Variants in TEAD4 observed in about 807,000 individuals in gnomAD.
TEAD4 encodes transcriptional enhancer factor TEF-3.
TEAD4 carries 36 observed loss-of-function variants against 52.4 expected under a neutral mutation model. That is an observed-to-expected ratio of 0.69 (90% confidence interval 0.53 to 0.91). The LOEUF (loss-of-function observed/expected upper bound fraction) is 0.91. Among genes scored for constraint, TEAD4 ranks in the 40% least tolerant of loss-of-function variants. TEAD4 has a pLI of 0.00. For synonymous variants in TEAD4, 220 were observed against 231.0 expected, an observed-to-expected ratio of 0.95 and a Z score of 0.43; for missense variants, 508 against 583.9, an observed-to-expected ratio of 0.87 and a Z score of 1.34.
chr12:2,961,878 G>A (rs893439735), intron 2 of TEAD4, among the ~76,000 whole-genome samples: 4 of 152,008 alleles, frequency 2.6e-5, no homozygotes, highest in African/African-American at 9.7e-5. Flanking sequence ...AACATGAATC[G>A]AGCATTTACT....
intron 2 of TEAD4, among the ~76,000 whole-genome samples, chr12:2,964,429 C>T (rs532848460): frequency 6.6e-5 from 10 of 150,978 alleles, no homozygotes; most frequent in East Asian, 5.8e-4. Context: ...AGGCTGGGGT[C>T]GCTGGACAAC....
At chr12:3,026,960 G>T (rs912256128) in intron 10 of TEAD4, among the ~76,000 whole-genome samples, 1 of 152,178 alleles carries the variant, frequency 6.6e-6, no homozygotes, top group Non-Finnish European at 1.5e-5. Context: ...TATGAAGTAA[G>T]TGTTACTTCT....
intron 10 of TEAD4, among the ~76,000 whole-genome samples, chr12:3,029,330 C>T (rs918861828): frequency 4.6e-5 from 7 of 151,496 alleles, no homozygotes; most frequent in East Asian, 1.9e-4. Context: ...CTCCGCCTCC[C>T]GGGTTCACGC....
chr12:2,988,047 G>A (rs2153954734), intron 2 of TEAD4, among the ~76,000 whole-genome samples: 1 of 148,288 alleles, frequency 6.7e-6, no homozygotes, highest in African/African-American at 2.5e-5. Context: ...CAGCCTGGGT[G>A]ACAGAACAAG....
chr12:3,010,750 C>A (rs574254859), intron 3 of TEAD4, among the ~76,000 whole-genome samples: 26 of 152,222 alleles, frequency 1.7e-4, no homozygotes, highest in African/African-American at 5.8e-4. Context: ...TCAGGCTGTG[C>A]GTGGTTGGTG....
rs1555118355 is a variant in TEAD4 at position 2,962,346 on chromosome 12, A to ATTT, written c.-30+2310_-30+2312dup. ...TATATAAATATAAATATATATATAT[A>ATTT]TTTTTTGAGATGGAGTTTCGCTCTT... On this transcript the variant is annotated intron_variant, in intron 2 of 12. Transcript: ENST00000359864. 7.0e-3 allele frequency among the ~76,000 whole-genome samples: 893 copies of ATTT among 128,032 alleles called. 12 individuals are homozygous for ATTT. The highest frequency in any genetic ancestry group is 0.015 in the South Asian group (63 of 4,182). 84.0% of individuals were successfully genotyped at this position (128,032 alleles called of 152,430 possible).
intron 10 of TEAD4, 32 bp from the exon 11 acceptor site, chr12:3,037,936 C>T (rs1245639947): frequency 2.5e-6 from 4 of 1,596,134 alleles, no homozygotes; most frequent in Non-Finnish European, 2.6e-6. Context: ...CACCTGCTGA[C>T]ACTCCCTCGC....
At chr12:2,988,970 C>T (rs1179184972) in intron 2 of TEAD4, among the ~76,000 whole-genome samples, 2 of 152,156 alleles carry the variant, frequency 1.3e-5, no homozygotes, top group Non-Finnish European at 2.9e-5. Context: ...TTAGAATAAG[C>T]TGGTAAAGGT....
At chr12:2,978,688 A>AC (rs2098231817) in intron 2 of TEAD4, among the ~76,000 whole-genome samples, 1 of 150,888 alleles carries the variant, frequency 6.6e-6, no homozygotes, top group Non-Finnish European at 1.5e-5. Flanking sequence ...ACGGGTGTGA[A>AC]CCACTGCGCC....
At chr12:2,976,307 T>C (rs1178787773) in intron 2 of TEAD4, among the ~76,000 whole-genome samples, 2 of 151,454 alleles carry the variant, frequency 1.3e-5, no homozygotes, top group Non-Finnish European at 2.9e-5. Flanking sequence ...CCTCCACACC[T>C]GGCCATCTCA....
rs71057876 is a variant in TEAD4, at chr12:2,990,461, C to CTTTTTTTTTTTTTTTTTTTTTTTTTTTT, written c.-29-4250_-29-4249insTTTTTTTTTTTTTTTTTTTTTTTTTTTT. 4.5e-5 allele frequency among the ~76,000 whole-genome samples: 3 copies of CTTTTTTTTTTTTTTTTTTTTTTTTTTTT among 67,038 alleles called. 1 individual carries two copies. The highest frequency in any genetic ancestry group is 1.8e-4 in the African/African-American group (3 of 17,018). 44.0% of individuals were successfully genotyped at this position (67,038 alleles called of 152,430 possible). A position where few individuals can be genotyped will look rare whatever the true frequency, so the allele number is the denominator to read the frequency against. On this transcript the variant is annotated intron_variant, in intron 2 of 12. Transcript: ENST00000359864. The stretch of plus-strand genomic sequence containing the variant: ...TAGAATTTAGGCTAAGACAGATAAT[C>CTTTTTTTTTTTTTTTTTTTTTTTTTTTT]TTTTTTTTTTTTTTTTTTTTTTTTT...
At chr12:2,999,555 A>G (rs531035062) in intron 3 of TEAD4, among the ~76,000 whole-genome samples, 1 of 152,212 alleles carries the variant, frequency 6.6e-6, no homozygotes, top group Non-Finnish European at 1.5e-5. Context: ...TGAGTCTCCC[A>G]CGCTTGTTGG....
In TEAD4 at chr12:2,965,848, A is replaced by AT. The variant is rs897507398; in HGVS notation, c.-30+5815dup. Among the ~76,000 whole-genome samples the AT allele has an allele frequency of 2.8e-4, 42 of 152,036 alleles. 1 individual carries two copies. Among genetic ancestry groups the AT allele is most frequent in the African/African-American group, 9.2e-4 (38 of 41,454 alleles). On this transcript the variant is annotated intron_variant, in intron 2 of 12. Transcript: ENST00000359864. ...CGTGAGCCACCGCGCCCGGCCATAA[A>AT]TTTTTTTAAATTATCATTATTATTA... is the stretch of plus-strand genomic sequence containing the variant.
At chr12:3,010,932 T>C in intron 3 of TEAD4, 72 bp from the exon 4 acceptor site, 1 of 1,558,246 alleles carries the variant, frequency 6.4e-7, no homozygotes, top group South Asian at 1.1e-5. Context: ...CCGCAGAAGG[T>C]ACCCCGCACC....
chr12:3,027,021 T>G (rs922431214), intron 10 of TEAD4, among the ~76,000 whole-genome samples: 3 of 152,108 alleles, frequency 2.0e-5, no homozygotes, highest in African/African-American at 2.4e-5. Flanking sequence ...CAGACTAAGT[T>G]TTGCTGTGTT....
At chr12:3,025,597 C>T (rs146819193) in intron 10 of TEAD4, among the ~76,000 whole-genome samples, 2,822 of 151,830 alleles carry the variant, frequency 0.019, 45 homozygotes, top group South Asian at 0.03. Context: ...AGTGCAGTGG[C>T]GCAATCTTGG....
rs991463232 is a variant in TEAD4 at position 3,022,031 on chromosome 12, A to G, written c.897+14A>G. 6 of 1,613,394 alleles carry G rather than the reference A, an allele frequency of 3.7e-6. No homozygotes were observed. Among genetic ancestry groups the G allele is most frequent in the Non-Finnish European group, 4.2e-6 (5 of 1,179,500 alleles). ...GTGAAGTTCTGGGTAAGCCTGTGAT[A>G]ACCCCTTCTTTCCTGCCACCAGCGT... On this transcript the variant is annotated intron_variant, in intron 10 of 12. Transcript: ENST00000359864.
At chr12:3,020,343 T>C (rs1401674204) in intron 8 of TEAD4, among the ~76,000 whole-genome samples, 2 of 151,852 alleles carry the variant, frequency 1.3e-5, no homozygotes, top group East Asian at 1.9e-4. Flanking sequence ...CTCTCGGTCC[T>C]GCAGGGCCCC....
In TEAD4 at chr12:2,960,687, G is replaced by A. The variant is rs183015832; in HGVS notation, c.-30+647G>A. ...GTATTTGTTTGTGTTGAACGTGAGT[G>A]ACAGAGTGTGTGTATATGTCTGCGT... On this transcript the variant is annotated intron_variant, in intron 2 of 12. Transcript: ENST00000359864. Among the ~76,000 whole-genome samples, 3 of 152,208 alleles carry A rather than the reference G, an allele frequency of 2.0e-5. No individual in the cohort carries two copies. The East Asian group carries it at 5.8e-4, about 29-fold the overall frequency.
Sources: allele counts gnomAD v4.1 joint callset (sites outside exome capture counted in the v4.1 genomes callset), GRCh38; gene constraint gnomAD v4.1.1; transcripts MANE v1.5; gene names NCBI Gene and HGNC (gene_info 2026-07-23, HGNC 2026-07-21).